Variants in CGAS observed in about 807,000 individuals in gnomAD.
The protein encoded by CGAS is 2'3'-cGAMP synthase.
In CGAS, 31 loss-of-function variants were observed where a neutral mutation model predicts 34.0. The ratio of observed to expected loss-of-function variants is 0.91; its 90% CI spans 0.69 to 1.23. The LOEUF (loss-of-function observed/expected upper bound fraction) is 1.23, where lower values mean the gene tolerates loss of function less well. Among genes scored for constraint, CGAS ranks in the 50% most tolerant of loss-of-function variants. The pLI is 0.00. For missense variants in CGAS, 597 were observed against 657.6 expected (o/e 0.91, Z 1.01); for synonymous variants, 266 against 260.0 (o/e 1.02, Z -0.22).
At chr6:73,429,654 G>A (rs953250498) in intron 3 of CGAS, among the ~76,000 whole-genome samples, 5 of 101,760 alleles carry the variant, frequency 4.9e-5, no homozygotes, top group Admixed American at 2.6e-4. Flanking sequence ...GTGAAACCCT[G>A]CCTCTACCAA....
In CGAS at chr6:73,451,600, C is replaced by T. The variant is rs754588972; in HGVS notation, c.582G>A (p.Leu194=). The T allele has an allele frequency of 6.2e-7, 1 of 1,613,948 alleles. No homozygotes were observed. The highest frequency in any genetic ancestry group is 8.5e-7 in the Non-Finnish European group (1 of 1,179,944). ...GMVKGVVDHL[L]LRLKCDSAFR... ...ACGCGGAGTCGCACTTCAGTCTGAG[C>T]AGCAGGTGGTCCACAACCCCTTTCA... Residue 194 remains leucine, a synonymous_variant, in exon 1 of 5, where the codon CTG becomes CTA. Coordinates refer to ENST00000370315, the MANE Select transcript of CGAS (RefSeq NM_138441.3).
chr6:73,452,074 C>CT lies in CGAS; in HGVS notation c.107dup (p.Ser37ValfsTer11). On this transcript the variant is annotated frameshift_variant, in exon 1 of 5. Transcript: ENST00000370315. LOFTEE classifies it high-confidence loss of function. ...GGGCGGCCTCGGGGGCAGCCGGAGA[C>CT]TCGGTGGGATCCATCGGGGCGCCCC... 9 of 1,555,764 alleles carry CT rather than the reference C, an allele frequency of 5.8e-6. No homozygotes were observed. The highest frequency in any genetic ancestry group is 6.9e-6 in the Non-Finnish European group (8 of 1,151,600).
In CGAS at chr6:73,426,452, T is replaced by G. The variant is rs193136677; in HGVS notation, c.1218-874A>C. On this transcript the variant is annotated intron_variant, in intron 4 of 4. Transcript: ENST00000370315. Reference sequence around the variant, plus strand: ...TTCAAAAACACATTTTTTCCCTCTCTTTCCCATTCTTAGCTTAAATATATT... The same window carrying G: ...TTCAAAAACACATTTTTTCCCTCTCGTTCCCATTCTTAGCTTAAATATATT... Among the ~76,000 whole-genome samples, 202 of 151,862 alleles carry G rather than the reference T, an allele frequency of 1.3e-3. 2 individuals are homozygous for G. Among genetic ancestry groups the G allele is most frequent in the East Asian group, 4.6e-3 (24 of 5,186 alleles).
At chr6:73,447,634 G>T (rs1437743284) in intron 1 of CGAS, among the ~76,000 whole-genome samples, 1 of 151,960 alleles carries the variant, frequency 6.6e-6, no homozygotes, top group Non-Finnish European at 1.5e-5. Context: ...CTGGAGTACA[G>T]TGGCTACTCA....
intron 3 of CGAS, among the ~76,000 whole-genome samples, chr6:73,430,342 T>A (rs1770173798): frequency 6.6e-6 from 1 of 152,048 alleles, no homozygotes; most frequent in African/African-American, 2.4e-5. Context: ...TACAAAAGAA[T>A]CTACAATGCT....
chr6:73,449,344 G>A (rs566238051), intron 1 of CGAS, among the ~76,000 whole-genome samples: 6 of 151,734 alleles, frequency 4.0e-5, no homozygotes, highest in African/African-American at 7.2e-5. Context: ...GCATGGTGGC[G>A]GGCGCCTGTA....
rs779092646 is a variant in CGAS, at chr6:73,428,774, C to T, written c.1152G>A (p.Lys384=). 1.1e-5 allele frequency: 18 copies of T among 1,613,642 alleles called. No homozygotes were observed. The highest frequency in any genetic ancestry group is 1.4e-5 in the Non-Finnish European group (16 of 1,179,972). ...TWRLSFSHIE[K]EILNNHGKSK... ...ATTTTCCATGATTGTTCAAAATTTC[C>T]TTTTCGATGTGAGAGAAGGATAGCC... The change falls in exon 4 of 5, where the codon AAG becomes AAA. Residue 384 remains lysine (K), a synonymous_variant. Transcript: ENST00000370315.
intron 2 of CGAS, among the ~76,000 whole-genome samples, chr6:73,441,333 G>GGCAGCAAAAAGACC (rs1363048264): frequency 2.0e-5 from 3 of 152,132 alleles, no homozygotes; most frequent in Non-Finnish European, 4.4e-5. Flanking sequence ...GGAAGAGACA[G>GGCAGCAAAAAGACC]GCAGCAAAAA....
At chr6:73,450,862 C>A (rs1291491013) in intron 1 of CGAS, among the ~76,000 whole-genome samples, 1 of 151,360 alleles carries the variant, frequency 6.6e-6, no homozygotes, top group Non-Finnish European at 1.5e-5. Context: ...TGGTGGCGGG[C>A]GCCTGTAGTC....
intron 2 of CGAS, among the ~76,000 whole-genome samples, chr6:73,443,714 G>A (rs868580307): frequency 1.3e-5 from 2 of 152,014 alleles, no homozygotes; most frequent in African/African-American, 2.4e-5. Flanking sequence ...TTAATTGTAC[G>A]TCTGTGCTTG....
Position 73,452,249 on chromosome 6 carries a change from C to A in CGAS, c.-68G>T. 6.7e-7 allele frequency: 1 copy of A among 1,490,268 alleles called. No individual in the cohort carries two copies. Among genetic ancestry groups the A allele is most frequent in the Non-Finnish European group, 8.9e-7 (1 of 1,118,212 alleles). 92.3% of individuals were successfully genotyped at this position (1,490,268 alleles called of 1,614,324 possible). A position where few individuals can be genotyped will look rare whatever the true frequency, so the allele number is the denominator to read the frequency against. On this transcript the variant is annotated 5_prime_UTR_variant, in exon 1 of 5. Coordinates refer to ENST00000370315, the MANE Select transcript of CGAS (RefSeq NM_138441.3). ...AAAAGGCCGCAAGAGGAAGAGCCAG[C>A]AGCAGCTGTTGGAAACCAAGCACTA...
chr6:73,427,875 C>T (rs146560186), intron 4 of CGAS, among the ~76,000 whole-genome samples: 14 of 152,078 alleles, frequency 9.2e-5, no homozygotes, highest in African/African-American at 2.4e-4. Context: ...TGCAGTGGCA[C>T]GATCATGGCT....
chr6:73,448,510 A>T (rs1461804846), intron 1 of CGAS, among the ~76,000 whole-genome samples: 1 of 152,256 alleles, frequency 6.6e-6, no homozygotes, highest in Non-Finnish European at 1.5e-5. Context: ...ATTAACACTT[A>T]GAATGAAAAG....
rs567631496 is a variant in CGAS at position 73,448,427 on chromosome 6, C to A, written c.658-2680G>T. On this transcript the variant is annotated intron_variant, in intron 1 of 4. Coordinates refer to ENST00000370315, the MANE Select transcript of CGAS (RefSeq NM_138441.3). The stretch of plus-strand genomic sequence containing the variant: ...CAAAACAAAACAAAAAACAAACAAA[C>A]AAAAAAAACTACAATTAATTGATTT... Among the ~76,000 whole-genome samples the A allele has an allele frequency of 1.3e-4, 20 of 151,766 alleles. No homozygotes were observed. The East Asian group carries it at 1.9e-3, about 15-fold the overall frequency.
At chr6:73,435,281 T>G (rs972319544) in intron 3 of CGAS, among the ~76,000 whole-genome samples, 2 of 152,228 alleles carry the variant, frequency 1.3e-5, no homozygotes, top group African/African-American at 4.8e-5. Context: ...TTAAATAAAC[T>G]ACACTGAGAT....
At chr6:73,451,035 T>C (rs551330588) in intron 1 of CGAS, among the ~76,000 whole-genome samples, 1 of 139,284 alleles carries the variant, frequency 7.2e-6, no homozygotes, top group African/African-American at 2.6e-5. Flanking sequence ...AAAAAAGAAA[T>C]TGGGGTCAGA....
intron 2 of CGAS, among the ~76,000 whole-genome samples, chr6:73,443,303 G>A (rs571560215): frequency 2.0e-4 from 28 of 141,922 alleles, no homozygotes; most frequent in East Asian, 8.8e-4. Flanking sequence ...TCAGTGGCGC[G>A]GTCTCAGCTC....
intron 1 of CGAS, among the ~76,000 whole-genome samples, chr6:73,445,967 C>T (rs1220556545): frequency 6.6e-6 from 1 of 152,028 alleles, no homozygotes; most frequent in Non-Finnish European, 1.5e-5. Context: ...TTTTTTTTAC[C>T]ATGACCTAGT....
chr6:73,438,297 A>T (rs1045934489), intron 3 of CGAS, among the ~76,000 whole-genome samples: 6 of 152,158 alleles, frequency 3.9e-5, no homozygotes, highest in African/African-American at 1.4e-4. Context: ...CATAATCTGG[A>T]ATGATGGCAG....
Sources: allele counts gnomAD v4.1 joint callset (sites outside exome capture counted in the v4.1 genomes callset), GRCh38; gene constraint gnomAD v4.1.1; transcripts MANE v1.5; gene names NCBI Gene and HGNC (gene_info 2026-07-23, HGNC 2026-07-21).